GSE1: variants seen among roughly 807,000 people sequenced by gnomAD.
The protein encoded by GSE1 is Gse1 coiled-coil protein, also known as genetic suppressor element 1.
In GSE1, 32 loss-of-function variants were observed where a neutral mutation model predicts 112.6. The observed-to-expected ratio is 0.28, with a 90% CI of 0.21 to 0.38. The LOEUF (loss-of-function observed/expected upper bound fraction) is 0.38. Ranked by LOEUF, GSE1 falls within the 10% of genes least tolerant of loss-of-function variation. The pLI is 1.00. For missense variants in GSE1, 2,348 were observed against 1,699.2 expected, an observed-to-expected ratio of 1.38 and a Z score of -6.71; for synonymous variants, 1,115 against 735.6, an observed-to-expected ratio of 1.52 and a Z score of -8.35.
At chr16:85,254,725 T>C (rs1906878971) in intron 1 of GSE1, among the ~76,000 whole-genome samples, 1 of 152,204 alleles carries the variant, frequency 6.6e-6, no homozygotes, top group South Asian at 2.1e-4. Flanking sequence ...GGGAGGGTCT[T>C]GGAAACCCAG....
intron 1 of GSE1, among the ~76,000 whole-genome samples, chr16:85,559,264 C>T (rs2045398666): frequency 6.6e-6 from 1 of 152,236 alleles, no homozygotes; most frequent in South Asian, 2.1e-4. Flanking sequence ...ACCCACTTAT[C>T]AGATGAGCAA....
Position 85,570,217 on chromosome 16 carries a change from G to C in GSE1, c.37+13854G>C, listed in dbSNP as rs1252739085. 3.3e-5 allele frequency among the ~76,000 whole-genome samples: 5 copies of C among 152,180 alleles called. No individual in the cohort carries two copies. In the East Asian group the frequency reaches 9.6e-4, roughly 29 times the overall value. ...GGAGTTCTGGATGGGCCTGGCCCTTGGTCAGTGTCCATCTTCAAGGACCTT... is the reference window on the plus strand; with the variant it reads ...GGAGTTCTGGATGGGCCTGGCCCTTCGTCAGTGTCCATCTTCAAGGACCTT... On this transcript the variant is annotated intron_variant, in intron 1 of 2. Transcript: ENST00000635906.
At chr16:85,320,318 A>G (rs141655465) in intron 1 of GSE1, among the ~76,000 whole-genome samples, 20 of 152,314 alleles carry the variant, frequency 1.3e-4, no homozygotes, top group African/African-American at 4.6e-4. Flanking sequence ...GCTCACGCAG[A>G]ACACCAGGCC....
chr16:85,356,120 A>T (rs1397523663), intron 1 of GSE1, among the ~76,000 whole-genome samples: 1 of 152,242 alleles, frequency 6.6e-6, no homozygotes, highest in South Asian at 2.1e-4. Context: ...CCGTATAGTT[A>T]TAACTGGTAG....
At chr16:85,510,644 G>A (rs2051711395) in intron 2 of GSE1, among the ~76,000 whole-genome samples, 1 of 152,232 alleles carries the variant, frequency 6.6e-6, no homozygotes. Flanking sequence ...CCCCCCAAGT[G>A]TGGGTGCACG....
chr16:85,205,890 CT>C (rs1211781208), intron 1 of GSE1, among the ~76,000 whole-genome samples: 3 of 152,224 alleles, frequency 2.0e-5, no homozygotes, highest in Non-Finnish European at 2.9e-5. Context: ...CAAGTACTTA[CT>C]GAGTGCCGTC....
intron 1 of GSE1, among the ~76,000 whole-genome samples, chr16:85,346,631 A>G (rs1050727921): frequency 1.0e-5 from 1 of 96,246 alleles, no homozygotes; most frequent in African/African-American, 3.3e-5. Context: ...TGGATGGATG[A>G]TGGACAGGTA....
chr16:85,316,933 G>A (rs1458125639), intron 1 of GSE1, among the ~76,000 whole-genome samples: 1 of 152,206 alleles, frequency 6.6e-6, no homozygotes, highest in Non-Finnish European at 1.5e-5. Flanking sequence ...GGAGCCCCGG[G>A]AGGGATGCCC....
At position 85,443,225 on chromosome 16, in the gene GSE1, G is replaced by A. The variant is rs185813315; in HGVS notation, c.2464+85582G>A. On this transcript the variant is annotated intron_variant, in intron 2 of 2. Coordinates refer to the GSE1 transcript ENST00000637419. ...TCCCCAGCGTGCTGCTGCCTGCTCCGTGAGGGGCTGTCCTCAGCACACCAT... is the reference window on the plus strand; with the variant it reads ...TCCCCAGCGTGCTGCTGCCTGCTCCATGAGGGGCTGTCCTCAGCACACCAT... 1.3e-3 allele frequency among the ~76,000 whole-genome samples: 204 copies of A among 152,308 alleles called. 1 individual carries two copies. The East Asian group carries it at 0.019, about 14-fold the overall frequency.
At chr16:85,556,765 G>GT (rs2045243144) in intron 1 of GSE1, among the ~76,000 whole-genome samples, 2 of 68,712 alleles carry the variant, frequency 2.9e-5, no homozygotes, top group Admixed American at 1.4e-4. Context: ...CCCCCCCCCA[G>GT]TCCTGGGGTT....
intron 1 of GSE1, among the ~76,000 whole-genome samples, chr16:85,253,080 C>T (rs1024293519): frequency 4.1e-5 from 5 of 121,798 alleles, no homozygotes; most frequent in East Asian, 2.9e-4. Flanking sequence ...CCCCCCCCCC[C>T]CCACCAGCAG....
intron 2 of GSE1, among the ~76,000 whole-genome samples, chr16:85,371,676 T>A (rs1597511573): frequency 6.6e-6 from 1 of 152,322 alleles, no homozygotes; most frequent in Admixed American, 6.5e-5. Context: ...GGACACAGGC[T>A]GGCACAGAGC....
At chr16:85,231,211 G>C (rs1359449955) in intron 1 of GSE1, among the ~76,000 whole-genome samples, 7 of 149,726 alleles carry the variant, frequency 4.7e-5, no homozygotes, top group Non-Finnish European at 1.0e-4. Flanking sequence ...ATGGACAGAA[G>C]GATAGATGGA....
intron 1 of GSE1, among the ~76,000 whole-genome samples, chr16:85,180,048 G>A (rs962322472): frequency 2.6e-5 from 4 of 152,256 alleles, no homozygotes; most frequent in East Asian, 1.9e-4. Flanking sequence ...AGACCTGGGC[G>A]GTTGGGGTCT....
At chr16:85,511,864 A>G (rs1249724801) in intron 2 of GSE1, among the ~76,000 whole-genome samples, 5 of 152,152 alleles carry the variant, frequency 3.3e-5, no homozygotes, top group African/African-American at 4.8e-5. Flanking sequence ...ATTTCAGCCC[A>G]GTGCTACTGA....
intron 1 of GSE1, among the ~76,000 whole-genome samples, chr16:85,303,703 G>A (rs1461149114): frequency 1.3e-5 from 2 of 152,254 alleles, no homozygotes; most frequent in African/African-American, 2.4e-5. Flanking sequence ...CCGGGCGCTG[G>A]GGCCACAGGC....
chr16:85,493,475 C>T (rs899865922), intron 2 of GSE1, among the ~76,000 whole-genome samples: 3 of 151,668 alleles, frequency 2.0e-5, no homozygotes, highest in African/African-American at 4.9e-5. Flanking sequence ...CAGCTGTGGC[C>T]GGGCACAGTG....
At chr16:85,246,821 G>C (rs1036250837) in intron 1 of GSE1, among the ~76,000 whole-genome samples, 3 of 152,142 alleles carry the variant, frequency 2.0e-5, no homozygotes, top group Non-Finnish European at 4.4e-5. Context: ...CTGAGCACCA[G>C]AGGAAGGGGG....
At position 85,473,175 on chromosome 16, in the gene GSE1, C is replaced by T. The variant is rs73263181; in HGVS notation, c.2464+115532C>T. Reference sequence around the variant, plus strand: ...CCACGGCCTATTTGCTGGTCACTGACTGCACCATTTGCTGTCCTGTGCACT... The same window carrying T: ...CCACGGCCTATTTGCTGGTCACTGATTGCACCATTTGCTGTCCTGTGCACT... On this transcript the variant is annotated intron_variant, in intron 2 of 2. Transcript: ENST00000637419. 8.8e-3 allele frequency among the ~76,000 whole-genome samples: 1,336 copies of T among 152,380 alleles called. 18 individuals carry two copies. Among genetic ancestry groups the T allele is most frequent in the African/African-American group, 0.03 (1,257 of 41,586 alleles).
Sources: allele counts gnomAD v4.1 joint callset (sites outside exome capture counted in the v4.1 genomes callset), GRCh38; gene constraint gnomAD v4.1.1; transcripts MANE v1.5; gene names NCBI Gene and HGNC (gene_info 2026-07-23, HGNC 2026-07-21).